MANSC1: variants seen among roughly 807,000 people sequenced by gnomAD.
MANSC1 encodes the protein MANSC domain-containing protein 1.
Under a neutral mutation model 14.1 loss-of-function variants are expected in MANSC1, and 13 were observed. The observed-to-expected ratio is 0.92, with a 90% CI of 0.60 to 1.46. MANSC1 has a LOEUF of 1.46. MANSC1 is among the 40% of genes most tolerant of loss of function. The pLI, the probability that MANSC1 is intolerant of heterozygous loss-of-function variation, is 0.00. For missense variants in MANSC1, 486 were observed against 511.4 expected, an observed-to-expected ratio of 0.95 and a Z score of 0.48; for synonymous variants, 227 against 200.7, an observed-to-expected ratio of 1.13 and a Z score of -1.11.
intron 3 of MANSC1, among the ~76,000 whole-genome samples, chr12:12,333,636 G>T (rs917887950): frequency 6.6e-6 from 1 of 152,140 alleles, no homozygotes; most frequent in Non-Finnish European, 1.5e-5. Flanking sequence ...TCTCAGTCAC[G>T]CAGAGATGAG....
chr12:12,343,170 T>G lies in MANSC1; in HGVS notation c.145A>C (p.Ile49Leu). 1 of 1,614,068 alleles carries G rather than the reference T, an allele frequency of 6.2e-7. No homozygotes were observed. Among genetic ancestry groups the G allele is most frequent in the Non-Finnish European group, 8.5e-7 (1 of 1,179,898 alleles). ...GTATATACGGGCTCATTGCCTCTGA[T>G]TCCCTTAGAAAGAGATGACTGGATG... ...IDIQSSLSKGIRGNEPVYTST... is the reference protein window; with the variant it reads ...IDIQSSLSKGLRGNEPVYTST... The change falls in exon 2 of 4, where the codon ATC becomes CTC. Residue 49 changes from isoleucine (I) to leucine (L), a missense_variant. Ile to Leu is a conservative substitution (Grantham distance 5, BLOSUM62 2). Transcript: ENST00000535902.
rs539600102 is a variant in MANSC1, at chr12:12,343,292, C to G, written c.23G>C (p.Ser8Thr). MFFGGEG[S>T]LTYTLVIICF... ...AATTATTACCAAAGTGTAAGTCAAG[C>G]TCCCTTCTCCCCCGAAGAACATTTT... Residue 8 changes from serine to threonine, a missense_variant, in exon 2 of 4, where the codon AGC becomes ACC. Coordinates refer to ENST00000535902, the MANE Select transcript of MANSC1 (RefSeq NM_018050.4). The G allele has an allele frequency of 5.6e-6, 9 of 1,613,808 alleles. No homozygotes were observed. Among genetic ancestry groups the G allele is most frequent in the African/African-American group, 4.0e-5 (3 of 75,036 alleles).
rs1862723000 is a variant in MANSC1, at chr12:12,327,486, T to G, written c.*2541A>C. The G allele has an allele frequency of 6.6e-6, 1 of 152,212 alleles. No individual in the cohort carries two copies. The highest frequency in any genetic ancestry group is 1.5e-5 in the Non-Finnish European group (1 of 68,058). 9.4% of individuals were successfully genotyped at this position (152,212 alleles called of 1,614,324 possible). ...ATCACTCATCTGGACCGCTCCCATG[T>G]GGTCTCCCCATCACAACAAAGACTG... On this transcript the variant is annotated 3_prime_UTR_variant, in exon 4 of 4. Transcript: ENST00000535902.
chr12:12,334,907 G>A (rs1188305061), intron 3 of MANSC1, among the ~76,000 whole-genome samples: 1 of 152,086 alleles, frequency 6.6e-6, no homozygotes, highest in East Asian at 1.9e-4. Flanking sequence ...CCTCAGCTAG[G>A]GGGCAAAGCA....
chr12:12,328,480 T>G lies in MANSC1; in HGVS notation c.*1547A>C, dbSNP rs1411522796. On this transcript the variant is annotated 3_prime_UTR_variant, in exon 4 of 4. Transcript: ENST00000535902. ...ACCGTGTTAGCCAGGATGGTCTCGA[T>G]CTCCTGACCTCGTGATTTGCCCATC... 6.6e-6 allele frequency: 1 copy of G among 150,956 alleles called. No individual in the cohort carries two copies. Among genetic ancestry groups the G allele is most frequent in the Non-Finnish European group, 1.5e-5 (1 of 67,850 alleles). The allele number at this position is 150,956 out of a possible 1,614,324, so 9.4% of individuals were successfully genotyped here.
chr12:12,327,579 G>A lies in MANSC1; in HGVS notation c.*2448C>T, dbSNP rs546929429. Reference sequence around the variant, plus strand: ...CTTTATAAACCATCACAGAAAGCCTGATTTCCACTCGCTAAATCCATTAAT... The same window carrying A: ...CTTTATAAACCATCACAGAAAGCCTAATTTCCACTCGCTAAATCCATTAAT... On this transcript the variant is annotated 3_prime_UTR_variant, in exon 4 of 4. Coordinates refer to ENST00000535902, the MANE Select transcript of MANSC1 (RefSeq NM_018050.4). The A allele has an allele frequency of 3.9e-5, 6 of 152,270 alleles. No homozygotes were observed. Among genetic ancestry groups the A allele is most frequent in the Admixed American group, 1.3e-4 (2 of 15,266 alleles). The allele number at this position is 152,270 out of a possible 1,614,324, so 9.4% of individuals were successfully genotyped here. A position where few individuals can be genotyped will look rare whatever the true frequency, so the allele number is the denominator to read the frequency against.
rs768937129 is a variant in MANSC1, at chr12:12,326,732, C to T, written c.*3295G>A. The T allele has an allele frequency of 3.9e-5, 6 of 152,152 alleles. No individual in the cohort carries two copies. The highest frequency in any genetic ancestry group is 3.4e-3 in the Middle Eastern group (1 of 296). 9.4% of individuals were successfully genotyped at this position (152,152 alleles called of 1,614,324 possible). On this transcript the variant is annotated 3_prime_UTR_variant, in exon 4 of 4. Transcript: ENST00000535902. ...GACCTCCTGGGCTCAAGTGATCCTC[C>T]CACCTCAGTCTCCCAAAGGGCTGAG...
At chr12:12,345,986 C>G (rs1863004413) in intron 1 of MANSC1, among the ~76,000 whole-genome samples, 1 of 152,128 alleles carries the variant, frequency 6.6e-6, no homozygotes, top group Admixed American at 6.5e-5. Flanking sequence ...CATATCAGTG[C>G]TTCCTGGCCA....
chr12:12,344,419 T>TATA (rs1172403149), intron 1 of MANSC1, among the ~76,000 whole-genome samples: 1 of 150,924 alleles, frequency 6.6e-6, no homozygotes, highest in African/African-American at 2.4e-5. Context: ...GCAGTTAGAA[T>TATA]ATAAGCAGGC....
chr12:12,341,283 G>A (rs1019175210), intron 2 of MANSC1, among the ~76,000 whole-genome samples: 4 of 152,208 alleles, frequency 2.6e-5, no homozygotes, highest in African/African-American at 9.6e-5. Context: ...GGATACAAAT[G>A]AACAGCCAAA....
At chr12:12,339,957 C>T (rs1025210941) in intron 2 of MANSC1, among the ~76,000 whole-genome samples, 5 of 152,074 alleles carry the variant, frequency 3.3e-5, no homozygotes, top group Non-Finnish European at 5.9e-5. Context: ...GGACTTCAAG[C>T]GTGCACCACC....
intron 1 of MANSC1, among the ~76,000 whole-genome samples, chr12:12,346,142 G>A (rs1465072531): frequency 6.6e-6 from 1 of 152,168 alleles, no homozygotes; most frequent in African/African-American, 2.4e-5. Flanking sequence ...GCGTGGTGGC[G>A]GCCGCCTGTA....
intron 1 of MANSC1, among the ~76,000 whole-genome samples, chr12:12,346,245 T>C (rs35033580): frequency 0.039 from 5,979 of 151,868 alleles, 162 homozygotes; most frequent in Non-Finnish European, 0.056. Context: ...CACTGCAGCC[T>C]GGGCGACAGA....
chr12:12,332,393 G>A (rs1369255234), intron 3 of MANSC1, among the ~76,000 whole-genome samples: 2 of 152,136 alleles, frequency 1.3e-5, no homozygotes, highest in Non-Finnish European at 2.9e-5. Flanking sequence ...GAGGTTCTTT[G>A]CACTGTCACT....
At chr12:12,333,858 T>G (rs2135989697) in intron 3 of MANSC1, among the ~76,000 whole-genome samples, 1 of 152,170 alleles carries the variant, frequency 6.6e-6, no homozygotes, top group Admixed American at 6.5e-5. Flanking sequence ...ACAACAACAA[T>G]AAAAGATTAA....
intron 1 of MANSC1, among the ~76,000 whole-genome samples, chr12:12,343,697 T>C (rs903522978): frequency 6.6e-6 from 1 of 152,230 alleles, no homozygotes; most frequent in African/African-American, 2.4e-5. Context: ...CTCGGAATTC[T>C]ACAATCCTTC....
chr12:12,347,150 A>ATT (rs1474473210), intron 1 of MANSC1, among the ~76,000 whole-genome samples: 4 of 152,186 alleles, frequency 2.6e-5, no homozygotes, highest in African/African-American at 9.7e-5. Flanking sequence ...CTATTATTAC[A>ATT]TTATAATATA....
chr12:12,330,530 C>T lies in MANSC1; in HGVS notation c.793G>A (p.Ala265Thr). Reference protein sequence around the residue: ...TPSGTSQPQLATTAPPVTTVT... With the variant: ...TPSGTSQPQLTTTAPPVTTVT... Reference sequence around the variant, plus strand: ...GTGGTTACAGGTGGAGCTGTGGTGGCCAGCTGTGGCTGGGAAGTCCCAGAA... The same window carrying T: ...GTGGTTACAGGTGGAGCTGTGGTGGTCAGCTGTGGCTGGGAAGTCCCAGAA... Residue 265 changes from alanine (A) to threonine (T), a missense_variant, in exon 4 of 4, where the codon GCC (alanine) becomes ACC (threonine). By Grantham distance (58) the Ala-to-Thr change is moderately conservative. Coordinates refer to ENST00000535902, the MANE Select transcript of MANSC1 (RefSeq NM_018050.4). 6.2e-7 allele frequency: 1 copy of T among 1,614,128 alleles called. No individual in the cohort carries two copies. The highest frequency in any genetic ancestry group is 8.5e-7 in the Non-Finnish European group (1 of 1,180,020).
chr12:12,338,073 T>C (rs555583852), intron 3 of MANSC1, among the ~76,000 whole-genome samples: 40 of 152,330 alleles, frequency 2.6e-4, no homozygotes, highest in African/African-American at 9.1e-4. Context: ...ACTTTCTATA[T>C]TAACACAAGT....
Sources: allele counts gnomAD v4.1 joint callset (sites outside exome capture counted in the v4.1 genomes callset), GRCh38; gene constraint gnomAD v4.1.1; transcripts MANE v1.5; gene names NCBI Gene and HGNC (gene_info 2026-07-23, HGNC 2026-07-21).